The following CYP4X1 variants were observed in gnomAD, a reference collection of about 807,000 sequenced individuals.
CYP4X1 encodes cytochrome P450 family 4 subfamily X member 1, also known as cytochrome P450 4X1.
A neutral mutation model predicts 57.9 loss-of-function variants in CYP4X1; 44 were observed. That is an observed-to-expected ratio of 0.76 (90% CI 0.60 to 0.98). The LOEUF (loss-of-function observed/expected upper bound fraction) is 0.98, where lower values mean the gene tolerates loss of function less well. CYP4X1 is among the 50% of genes least tolerant of loss of function. The pLI, the probability that CYP4X1 is intolerant of heterozygous loss-of-function variation, is 0.00. For missense variants in CYP4X1, 532 were observed against 623.9 expected (o/e 0.85, Z 1.57); for synonymous variants, 227 against 228.6 (o/e 0.99, Z 0.06).
the CYP4X1 span, among the ~76,000 whole-genome samples, chr1:47,015,850 C>G: frequency 6.6e-6 from 1 of 152,144 alleles, no homozygotes; most frequent in Non-Finnish European, 1.5e-5. Flanking sequence ...TCAGCCTCCC[C>G]GGCCACGTGT....
chr1:47,050,039 G>A lies in CYP4X1; in HGVS notation c.1395G>A (p.Lys465=), dbSNP rs1349083512. 1 of 1,613,806 alleles carries A rather than the reference G, an allele frequency of 6.2e-7. No individual in the cohort carries two copies. The highest frequency in any genetic ancestry group is 8.5e-7 in the Non-Finnish European group (1 of 1,179,988). The part of the protein sequence containing the change: ...IGQEFAMIEL[K]VTIALILLHF... ...AGGAGTTTGCCATGATTGAGTTAAA[G>A]GTAACCATTGCCTTGATTCTGCTCC... The change falls in exon 12 of 12, where the codon AAG becomes AAA. Residue 465 remains lysine (K), a synonymous_variant. Transcript: ENST00000371901.
At chr1:47,029,545 TAGAG>T (rs1421986724) in intron 1 of CYP4X1, among the ~76,000 whole-genome samples, 1 of 152,118 alleles carries the variant, frequency 6.6e-6, no homozygotes, top group Non-Finnish European at 1.5e-5. Context: ...GGTGCATAAT[TAGAG>T]AGAGGAACAG....
chr1:46,973,935 T>C, the CYP4X1 span, among the ~76,000 whole-genome samples: 1 of 152,080 alleles, frequency 6.6e-6, no homozygotes, highest in African/African-American at 2.4e-5. Flanking sequence ...GGCTCTCTGA[T>C]TTTTGTTATT....
At chr1:47,010,167 A>T in the CYP4X1 span, among the ~76,000 whole-genome samples, 1 of 151,712 alleles carries the variant, frequency 6.6e-6, no homozygotes, top group East Asian at 1.9e-4. Context: ...CCTCAATAAA[A>T]TACTAGCAAA....
chr1:46,995,586 A>G, the CYP4X1 span, among the ~76,000 whole-genome samples: 1 of 152,200 alleles, frequency 6.6e-6, no homozygotes, highest in South Asian at 2.1e-4. Flanking sequence ...AGAGAGTAAG[A>G]CACAACAGAT....
At chr1:47,008,934 AC>A in the CYP4X1 span, among the ~76,000 whole-genome samples, 1 of 152,204 alleles carries the variant, frequency 6.6e-6, no homozygotes, top group Admixed American at 6.5e-5. Flanking sequence ...GTCCTTAGAG[AC>A]CTACAAAGAG....
the CYP4X1 span, among the ~76,000 whole-genome samples, chr1:47,005,275 G>A: frequency 6.6e-6 from 1 of 152,164 alleles, no homozygotes; most frequent in East Asian, 1.9e-4. Flanking sequence ...GGGAAAGTGG[G>A]ATGGTGTTGC....
At chr1:47,006,322 A>C in the CYP4X1 span, among the ~76,000 whole-genome samples, 1 of 152,192 alleles carries the variant, frequency 6.6e-6, no homozygotes, top group Admixed American at 6.5e-5. Flanking sequence ...ATTTCACTAA[A>C]GTTTTAGGTT....
chr1:47,023,268 C>T (rs1271783024), upstream of CYP4X1, among the ~76,000 whole-genome samples: 1 of 152,170 alleles, frequency 6.6e-6, no homozygotes, highest in Non-Finnish European at 1.5e-5. Flanking sequence ...GTATCGGCAG[C>T]TTGAACTAGC....
chr1:47,055,337 A>G (rs572570609), downstream of CYP4X1, among the ~76,000 whole-genome samples: 42 of 152,158 alleles, frequency 2.8e-4, no homozygotes, highest in Admixed American at 2.8e-3. Flanking sequence ...TTTATTGAGA[A>G]TTTTTGCATT....
intron 8 of CYP4X1, among the ~76,000 whole-genome samples, chr1:47,043,103 A>T (rs1441864716): frequency 6.6e-6 from 1 of 152,290 alleles, no homozygotes; most frequent in Admixed American, 6.5e-5. Context: ...TGTTCACTGT[A>T]TCCACACCAT....
At chr1:47,038,266 G>GT (rs759720850) in intron 6 of CYP4X1, among the ~76,000 whole-genome samples, 26 of 151,102 alleles carry the variant, frequency 1.7e-4, no homozygotes, top group East Asian at 7.8e-4. Flanking sequence ...TTTTTGTTTT[G>GT]TTTTTTTTCT....
At chr1:47,045,158 G>A (rs2148515079) in intron 8 of CYP4X1, among the ~76,000 whole-genome samples, 1 of 152,204 alleles carries the variant, frequency 6.6e-6, no homozygotes, top group African/African-American at 2.4e-5. Context: ...GCTTGAGGAA[G>A]AAAGAATTCA....
the CYP4X1 span, among the ~76,000 whole-genome samples, chr1:46,992,256 A>C: frequency 2.0e-5 from 3 of 152,236 alleles, no homozygotes; most frequent in Admixed American, 2.0e-4. Context: ...GCAGAGGTTG[A>C]AGAATATAAA....
chr1:46,961,629 T>C, the CYP4X1 span: 5 of 1,289,444 alleles, frequency 3.9e-6, no homozygotes, highest in Non-Finnish European at 5.1e-6. Flanking sequence ...CCTGGGCAGC[T>C]GAAGTTCCCA....
intron 6 of CYP4X1, among the ~76,000 whole-genome samples, chr1:47,036,518 G>A (rs1174819982): frequency 1.3e-5 from 2 of 151,906 alleles, no homozygotes; most frequent in Admixed American, 1.3e-4. Flanking sequence ...AAACATTCAT[G>A]CAACATAGGA....
chr1:47,053,093 G>C (rs1216955654), downstream of CYP4X1, among the ~76,000 whole-genome samples: 1 of 151,734 alleles, frequency 6.6e-6, no homozygotes, highest in Non-Finnish European at 1.5e-5. Flanking sequence ...ACAGTCCCCA[G>C]TGTGTGATGT....
chr1:46,981,180 T>C, the CYP4X1 span, among the ~76,000 whole-genome samples: 6 of 151,994 alleles, frequency 3.9e-5, no homozygotes, highest in South Asian at 8.3e-4. Flanking sequence ...GAAACTACCA[T>C]CAGAGTGAAC....
chr1:46,967,788 A>G, the CYP4X1 span: 1 of 1,358,468 alleles, frequency 7.4e-7, no homozygotes, highest in Non-Finnish European at 9.7e-7. Flanking sequence ...TGGTGGGATC[A>G]GGCAGCAGCT....
Sources: allele counts gnomAD v4.1 joint callset (sites outside exome capture counted in the v4.1 genomes callset), GRCh38; gene constraint gnomAD v4.1.1; transcripts MANE v1.5; gene names NCBI Gene and HGNC (gene_info 2026-07-23, HGNC 2026-07-21).